The following CHD2 variants were observed in gnomAD, a reference collection of about 807,000 sequenced individuals.
The protein encoded by CHD2 is ATP-dependent chromatin remodeler CHD2.
A neutral mutation model predicts 243.9 loss-of-function variants in CHD2; 28 were observed. That is an observed-to-expected ratio of 0.11 (90% CI 0.09 to 0.16). The LOEUF (loss-of-function observed/expected upper bound fraction) is 0.16. Among genes scored for constraint, CHD2 ranks in the 10% least tolerant of loss-of-function variants. The probability of loss-of-function intolerance (pLI) is 1.00; values close to 1 mark genes in which losing one functional copy is unlikely to be tolerated. For missense variants in CHD2, 1,386 were observed against 2,209.8 expected, an observed-to-expected ratio of 0.63 and a Z score of 7.47; for synonymous variants, 775 against 779.0, an observed-to-expected ratio of 0.99 and a Z score of 0.09.
At chr15:92,922,755 T>C (rs1041014977) in intron 2 of CHD2, among the ~76,000 whole-genome samples, 8 of 152,234 alleles carry the variant, frequency 5.3e-5, no homozygotes, top group Non-Finnish European at 7.3e-5. Context: ...AGTCCACCTC[T>C]TGCTGTAGAG....
intron 2 of CHD2, among the ~76,000 whole-genome samples, chr15:92,914,130 C>G (rs990268367): frequency 5.9e-5 from 9 of 152,170 alleles, no homozygotes; most frequent in African/African-American, 2.2e-4. Flanking sequence ...AGACAAGACT[C>G]ACAGGGCTGA....
At chr15:92,989,025 CTTTTTTTTTTTTTTT>C (rs34298248) in intron 26 of CHD2, among the ~76,000 whole-genome samples, 1 of 76,514 alleles carries the variant, frequency 1.3e-5, no homozygotes. Context: ...ATACTTCATA[CTTTTTTTTTTTTTTT>C]TTTTTTTTGA....
intron 36 of CHD2, 95 bp from the exon 37 acceptor site, chr15:93,014,601 A>T (rs1269938046): frequency 9.2e-7 from 1 of 1,083,830 alleles, no homozygotes; most frequent in Non-Finnish European, 1.4e-6. Context: ...TTTAAGAAGG[A>T]CAAGAAGGAG....
intron 13 of CHD2, among the ~76,000 whole-genome samples, chr15:92,949,550 G>GCTAC (rs1426938462): frequency 6.6e-6 from 1 of 152,092 alleles, no homozygotes; most frequent in Admixed American, 6.6e-5. Flanking sequence ...ATAGTCTGTA[G>GCTAC]GATTATCCTG....
chr15:93,011,247 A>G (rs2141884251), intron 35 of CHD2, among the ~76,000 whole-genome samples: 1 of 152,328 alleles, frequency 6.6e-6, no homozygotes, highest in South Asian at 2.1e-4. Context: ...GCCCTCGGAG[A>G]AACTGTTCGT....
Position 92,998,372 on chromosome 15 carries a change from C to A in CHD2, c.3886-127C>A. Reference sequence around the variant, plus strand: ...CATGGACATGAGATAGGATCTGAGGCTTTATCTATATTTTGGGTGGTTGGG... The same window carrying A: ...CATGGACATGAGATAGGATCTGAGGATTTATCTATATTTTGGGTGGTTGGG... On this transcript the variant is annotated intron_variant, in intron 30 of 38. Coordinates refer to ENST00000394196, the MANE Select transcript of CHD2 (RefSeq NM_001271.4). This position sits in a 1 kb window ranked among gnomAD's most constrained non-coding sequence, Gnocchi z 5.1. 1.4e-6 allele frequency: 2 copies of A among 1,450,128 alleles called. No individual in the cohort carries two copies. Among genetic ancestry groups the A allele is most frequent in the Non-Finnish European group, 1.9e-6 (2 of 1,073,344 alleles). The allele number at this position is 1,450,128 out of a possible 1,614,324, so 89.8% of individuals were successfully genotyped here.
intron 28 of CHD2, among the ~76,000 whole-genome samples, chr15:92,994,617 A>G (rs977856638): frequency 2.6e-5 from 4 of 152,228 alleles, no homozygotes; most frequent in African/African-American, 4.8e-5. Context: ...TATGTTTTCT[A>G]TGTAATTGTT....
intron 35 of CHD2, among the ~76,000 whole-genome samples, chr15:93,011,803 T>G (rs2054397575): frequency 6.6e-6 from 1 of 152,072 alleles, no homozygotes; most frequent in Non-Finnish European, 1.5e-5. Flanking sequence ...AATGAAAGGT[T>G]GTGGTGGCGA....
At chr15:92,910,005 T>C (rs915746592) in intron 2 of CHD2, among the ~76,000 whole-genome samples, 14 of 151,774 alleles carry the variant, frequency 9.2e-5, no homozygotes, top group Non-Finnish European at 1.9e-4. Flanking sequence ...TATATACATA[T>C]ATATAAATTT....
chr15:93,007,872 C>T (rs1345065094), intron 34 of CHD2, among the ~76,000 whole-genome samples: 1 of 152,166 alleles, frequency 6.6e-6, no homozygotes, highest in Non-Finnish European at 1.5e-5. Flanking sequence ...GATCTTTTTC[C>T]TCCACCGCTC....
In CHD2 at chr15:92,998,078, C is replaced by A; in HGVS notation, c.3886-421C>A. The A allele has an allele frequency of 1.8e-6, 1 of 559,980 alleles. No individual in the cohort carries two copies. Among genetic ancestry groups the A allele is most frequent in the Non-Finnish European group, 2.3e-6 (1 of 437,110 alleles). 34.7% of individuals were successfully genotyped at this position (559,980 alleles called of 1,614,324 possible). A position where few individuals can be genotyped will look rare whatever the true frequency, so the allele number is the denominator to read the frequency against. ...GTTGTAGCAAGGAACAGATCATGTCCTGGCGTAGCTCAGTGCTCTCCGGCA... is the reference window on the plus strand; with the variant it reads ...GTTGTAGCAAGGAACAGATCATGTCATGGCGTAGCTCAGTGCTCTCCGGCA... On this transcript the variant is annotated intron_variant, in intron 30 of 38. Transcript: ENST00000394196. The surrounding 1 kb of genome is among the most constrained non-coding windows in gnomAD (Gnocchi z 5.1).
intron 28 of CHD2, among the ~76,000 whole-genome samples, chr15:92,993,994 AAAAT>A (rs1334567737): frequency 6.6e-6 from 1 of 152,216 alleles, no homozygotes; most frequent in Non-Finnish European, 1.5e-5. Context: ...AATTAATTAA[AAAAT>A]AAAGAAATGA....
At position 92,901,294 on chromosome 15, in the gene CHD2, A is replaced by T. The variant is rs1412598141; in HGVS notation, c.57A>T (p.Ala19=). The change falls in exon 2 of 39, where the codon GCA becomes GCT. Residue 19 remains alanine (A), a synonymous_variant. Transcript: ENST00000394196. ...AGGACAGTTCGCTACACAGCAATGC[A>T]TCGAGGTATGAGCTATCAACTTTCT... ...QEEDSSLHSN[A]SSHSASEEAS... 6.2e-7 allele frequency: 1 copy of T among 1,600,880 alleles called. No homozygotes were observed. Among genetic ancestry groups the T allele is most frequent in the Non-Finnish European group, 8.6e-7 (1 of 1,168,670 alleles).
intron 2 of CHD2, among the ~76,000 whole-genome samples, chr15:92,923,859 C>G (rs962683234): frequency 3.9e-5 from 6 of 152,092 alleles, no homozygotes; most frequent in African/African-American, 1.4e-4. Context: ...CCACCGCGCC[C>G]GGCCTGCTTG....
At chr15:92,991,414 G>A (rs542179781) in intron 26 of CHD2, 62 bp from the exon 27 acceptor site, 2 of 1,241,398 alleles carry the variant, frequency 1.6e-6, no homozygotes, top group Non-Finnish European at 2.3e-6. Context: ...GGATATGCTA[G>A]CATCAACATA....
In CHD2 at chr15:92,978,240, T is replaced by G. The variant is rs755376720; in HGVS notation, c.2584T>G (p.Cys862Gly). Residue 862 changes from cysteine (C) to glycine (G), a missense_variant, in exon 21 of 39, where the codon TGT (cysteine) becomes GGT (glycine). By Grantham distance (159) the Cys-to-Gly change is radical. This residue lies in a region of CHD2 where 18 missense variants were observed against 115.3 expected (regional missense o/e 0.16). Coordinates refer to ENST00000394196, the MANE Select transcript of CHD2 (RefSeq NM_001271.4). ...HFNADGSEDFCFLLSTRAGGL... is the reference protein window; with the variant it reads ...HFNADGSEDFGFLLSTRAGGL... ...TATATTGCATTGTGTACAGGACTTCTGTTTCCTGCTCTCGACAAGGGCTGG... is the reference window on the plus strand; with the variant it reads ...TATATTGCATTGTGTACAGGACTTCGGTTTCCTGCTCTCGACAAGGGCTGG... 6.2e-7 allele frequency: 1 copy of G among 1,614,220 alleles called. No individual in the cohort carries two copies. Among genetic ancestry groups the G allele is most frequent in the East Asian group, 2.2e-5 (1 of 44,894 alleles).
chr15:92,923,474 G>C (rs1396880059), intron 2 of CHD2, among the ~76,000 whole-genome samples: 1 of 151,892 alleles, frequency 6.6e-6, no homozygotes, highest in African/African-American at 2.4e-5. Context: ...TGTCCAGGCT[G>C]GTCTTGAACT....
At chr15:92,992,670 GGAAAAT>G (rs1184290281) in intron 27 of CHD2, among the ~76,000 whole-genome samples, 183 bp from the exon 28 acceptor site, 1 of 152,138 alleles carries the variant, frequency 6.6e-6, no homozygotes, top group Non-Finnish European at 1.5e-5. Flanking sequence ...TCTTTATGAT[GGAAAAT>G]GAATGTGTTA....
rs912226920 is a variant in CHD2 at position 92,981,047 on chromosome 15, G to A, written c.2973+136G>A. On this transcript the variant is annotated intron_variant, in intron 23 of 38. Transcript: ENST00000394196. Reference sequence around the variant, plus strand: ...TTGAAGGACAGTGTGTTTTTCTTTCGTAGGAATCTCATAGCTCTTACCAAA... The same window carrying A: ...TTGAAGGACAGTGTGTTTTTCTTTCATAGGAATCTCATAGCTCTTACCAAA... 18 of 680,732 alleles carry A rather than the reference G, an allele frequency of 2.6e-5. 1 individual carries two copies. Among genetic ancestry groups the A allele is most frequent in the Admixed American group, 8.7e-5 (3 of 34,306 alleles). 42.2% of individuals were successfully genotyped at this position (680,732 alleles called of 1,614,324 possible). A position where few individuals can be genotyped will look rare whatever the true frequency, so the allele number is the denominator to read the frequency against.
Sources: allele counts gnomAD v4.1 joint callset (sites outside exome capture counted in the v4.1 genomes callset), GRCh38; gene constraint gnomAD v4.1.1; regional missense constraint gnomAD v4.1.1; non-coding constraint Gnocchi (gnomAD v3.1); transcripts MANE v1.5; gene names NCBI Gene and HGNC (gene_info 2026-07-23, HGNC 2026-07-21).